The following UNC5C variants were observed in gnomAD, a reference collection of about 807,000 sequenced individuals.
UNC5C encodes netrin receptor UNC5C.
Under a neutral mutation model 99.8 loss-of-function variants are expected in UNC5C, and 47 were observed. That is an observed-to-expected ratio of 0.47 (90% CI 0.37 to 0.60). The LOEUF is 0.60. Ranked by LOEUF, UNC5C falls within the 20% of genes least tolerant of loss-of-function variation. UNC5C has a pLI of 0.00. For synonymous variants in UNC5C, 487 were observed against 452.2 expected, an observed-to-expected ratio of 1.08 and a Z score of -0.98; for missense variants, 1,062 against 1,165.9, an observed-to-expected ratio of 0.91 and a Z score of 1.30.
intron 4 of UNC5C, among the ~76,000 whole-genome samples, chr4:95,274,265 A>C (rs1231655581): frequency 6.6e-6 from 1 of 152,056 alleles, no homozygotes; most frequent in Non-Finnish European, 1.5e-5. Flanking sequence ...TAAATTACTG[A>C]GTGTCCCTCA....
rs568688718 is a variant in UNC5C at position 95,163,493 on chromosome 4, A to C, written c.*5741T>G. Reference sequence around the variant, plus strand: ...GCCTACAATTCATCTTCTACACACCAGTACTGAGGGTTATTCCACCCCGGA... The same window carrying C: ...GCCTACAATTCATCTTCTACACACCCGTACTGAGGGTTATTCCACCCCGGA... On this transcript the variant is annotated 3_prime_UTR_variant, in exon 16 of 16. Coordinates refer to ENST00000453304, the MANE Select transcript of UNC5C (RefSeq NM_003728.4). The C allele has an allele frequency of 6.6e-6, 1 of 152,316 alleles. No individual in the cohort carries two copies. Among genetic ancestry groups the C allele is most frequent in the Non-Finnish European group, 1.5e-5 (1 of 68,040 alleles). 9.4% of individuals were successfully genotyped at this position (152,316 alleles called of 1,614,324 possible). A position where few individuals can be genotyped will look rare whatever the true frequency, so the allele number is the denominator to read the frequency against.
intron 1 of UNC5C, among the ~76,000 whole-genome samples, chr4:95,462,732 A>T (rs1747642555): frequency 1.3e-5 from 2 of 152,200 alleles, no homozygotes; most frequent in Admixed American, 6.5e-5. Flanking sequence ...ACATATGCAG[A>T]TTACTTTCTT....
At chr4:95,341,630 T>C (rs1743585465) in intron 1 of UNC5C, among the ~76,000 whole-genome samples, 2 of 151,976 alleles carry the variant, frequency 1.3e-5, no homozygotes, top group South Asian at 2.1e-4. Context: ...CCTTCACTGA[T>C]TGTCCTCCCT....
chr4:95,418,636 C>A (rs1382631984), intron 1 of UNC5C, among the ~76,000 whole-genome samples: 1 of 152,080 alleles, frequency 6.6e-6, no homozygotes, highest in East Asian at 1.9e-4. Context: ...CACCAGCTGT[C>A]CATGCCTCTC....
Position 95,316,595 on chromosome 4 carries a change from G to A in UNC5C, c.347-14846C>T, listed in dbSNP as rs190511233. 1.8e-3 allele frequency among the ~76,000 whole-genome samples: 268 copies of A among 152,222 alleles called. 2 individuals are homozygous for A. The highest frequency in any genetic ancestry group is 6.1e-3 in the African/African-American group (255 of 41,534). On this transcript the variant is annotated intron_variant, in intron 2 of 15. Transcript: ENST00000453304. ...TGAAAAATACAAACAAGACTTTTAG[G>A]TAATAATGCACAGGGAAATACCTAT...
chr4:95,220,247 T>C (rs1738422786), intron 7 of UNC5C, 71 bp from the exon 8 acceptor site: 2 of 1,343,890 alleles, frequency 1.5e-6, no homozygotes. Context: ...TGTATTGCTA[T>C]AATTTTTTCA....
chr4:95,547,664 G>C (rs567528337), intron 1 of UNC5C, among the ~76,000 whole-genome samples: 1 of 152,364 alleles, frequency 6.6e-6, no homozygotes, highest in African/African-American at 2.4e-5. Flanking sequence ...ACCCAAGTAG[G>C]AGCTGGGCTT....
At chr4:95,536,808 C>T (rs963106760) in intron 1 of UNC5C, among the ~76,000 whole-genome samples, 2 of 152,104 alleles carry the variant, frequency 1.3e-5, no homozygotes, top group Non-Finnish European at 2.9e-5. Context: ...GAGTTATATG[C>T]TAAAGACGAG....
intron 2 of UNC5C, among the ~76,000 whole-genome samples, chr4:95,328,612 C>A (rs1473040590): frequency 7.0e-6 from 1 of 143,474 alleles, no homozygotes; most frequent in Non-Finnish European, 1.5e-5. Context: ...AATGGTATTT[C>A]TAGTTCTAGA....
intron 1 of UNC5C, among the ~76,000 whole-genome samples, chr4:95,391,530 T>G (rs528426664): frequency 2.6e-5 from 4 of 152,110 alleles, no homozygotes; most frequent in Non-Finnish European, 5.9e-5. Context: ...AGCTAGAAAA[T>G]CAGATATCTG....
At chr4:95,487,536 A>G (rs1197269811) in intron 1 of UNC5C, among the ~76,000 whole-genome samples, 1 of 151,760 alleles carries the variant, frequency 6.6e-6, no homozygotes, top group Non-Finnish European at 1.5e-5. Context: ...AATTCATTTT[A>G]TTTAGACTGT....
At chr4:95,391,209 C>T (rs980870672) in intron 1 of UNC5C, among the ~76,000 whole-genome samples, 2 of 152,102 alleles carry the variant, frequency 1.3e-5, no homozygotes, top group African/African-American at 4.8e-5. Context: ...TATGAATTAC[C>T]CAGTCTCAGG....
chr4:95,306,874 G>T (rs1485201716), intron 2 of UNC5C, among the ~76,000 whole-genome samples: 1 of 152,042 alleles, frequency 6.6e-6, no homozygotes, highest in Non-Finnish European at 1.5e-5. Flanking sequence ...CTGCAGGTTG[G>T]GATGTTCTGG....
At chr4:95,506,615 A>C (rs2149485971) in intron 1 of UNC5C, among the ~76,000 whole-genome samples, 1 of 152,136 alleles carries the variant, frequency 6.6e-6, no homozygotes, top group East Asian at 1.9e-4. Context: ...GGCGGGGAAG[A>C]AAACCCTAGC....
At chr4:95,268,103 C>T (rs1740517367) in intron 4 of UNC5C, among the ~76,000 whole-genome samples, 1 of 151,956 alleles carries the variant, frequency 6.6e-6, no homozygotes, top group Non-Finnish European at 1.5e-5. Context: ...GCGCCCGCCA[C>T]CGCGCCCGGT....
chr4:95,295,882 C>T (rs747273175), intron 3 of UNC5C, among the ~76,000 whole-genome samples: 3 of 152,102 alleles, frequency 2.0e-5, no homozygotes, highest in African/African-American at 7.2e-5. Context: ...TTCACCAGTT[C>T]GAGACCAGCC....
chr4:95,229,792 G>A (rs1157540710), intron 7 of UNC5C, among the ~76,000 whole-genome samples: 1 of 65,684 alleles, frequency 1.5e-5, no homozygotes, highest in Non-Finnish European at 3.2e-5. Context: ...AGAATCTGTT[G>A]TTTCCTTTTT....
At chr4:95,251,672 G>A (rs1739739892) in intron 4 of UNC5C, among the ~76,000 whole-genome samples, 1 of 152,126 alleles carries the variant, frequency 6.6e-6, no homozygotes, top group Non-Finnish European at 1.5e-5. Context: ...GGGTGAATGT[G>A]GATACAGGTA....
At chr4:95,438,070 GATAT>G (rs10563296) in intron 1 of UNC5C, among the ~76,000 whole-genome samples, 133,762 of 151,680 alleles carry the variant, frequency 0.88, 59,364 homozygotes, top group Non-Finnish European at 0.93. Flanking sequence ...TCCATTTACA[GATAT>G]ATATTGGCAC....
Sources: allele counts gnomAD v4.1 joint callset (sites outside exome capture counted in the v4.1 genomes callset), GRCh38; gene constraint gnomAD v4.1.1; transcripts MANE v1.5; gene names NCBI Gene and HGNC (gene_info 2026-07-23, HGNC 2026-07-21).